Variants in PTPN4 observed in about 807,000 individuals in gnomAD.
PTPN4 encodes the protein tyrosine-protein phosphatase non-receptor type 4.
In PTPN4, 49 loss-of-function variants were observed where a neutral mutation model predicts 135.5. The observed-to-expected ratio is 0.36, with a 90% CI of 0.29 to 0.46. PTPN4 has a LOEUF of 0.46. PTPN4 is among the 20% of genes least tolerant of loss of function. PTPN4 has a pLI of 1.00. For synonymous variants in PTPN4, 333 were observed against 369.9 expected, an observed-to-expected ratio of 0.90 and a Z score of 1.14; for missense variants, 860 against 1,101.0, an observed-to-expected ratio of 0.78 and a Z score of 3.10.
At chr2:119,909,644 G>A (rs1377582750) in intron 10 of PTPN4, among the ~76,000 whole-genome samples, 1 of 152,132 alleles carries the variant, frequency 6.6e-6, no homozygotes, top group East Asian at 1.9e-4. Flanking sequence ...TGGCCATTGA[G>A]GATGATTTCT....
At chr2:119,851,037 A>G (rs767989908) in intron 2 of PTPN4, among the ~76,000 whole-genome samples, 2 of 152,194 alleles carry the variant, frequency 1.3e-5, no homozygotes, top group East Asian at 1.9e-4. Flanking sequence ...TATCAGGCCA[A>G]TGCTGGTTTC....
At chr2:119,839,955 C>T (rs551165905) in intron 2 of PTPN4, among the ~76,000 whole-genome samples, 13 of 152,138 alleles carry the variant, frequency 8.5e-5, no homozygotes, top group African/African-American at 3.1e-4. Context: ...AACAGGAAGG[C>T]CATTTAATTC....
At chr2:119,826,396 C>T (rs1176896526) in intron 2 of PTPN4, among the ~76,000 whole-genome samples, 2 of 152,160 alleles carry the variant, frequency 1.3e-5, no homozygotes, top group Non-Finnish European at 2.9e-5. Context: ...AGCTTTTGAG[C>T]CCTTACCGGA....
chr2:119,919,210 G>A (rs977384936), intron 11 of PTPN4, among the ~76,000 whole-genome samples: 1 of 152,172 alleles, frequency 6.6e-6, no homozygotes, highest in South Asian at 2.1e-4. Flanking sequence ...GTTGCTATAT[G>A]TGGTTTACTT....
chr2:119,909,792 A>G (rs1052626583), intron 10 of PTPN4, among the ~76,000 whole-genome samples: 3 of 152,126 alleles, frequency 2.0e-5, no homozygotes, highest in Non-Finnish European at 2.9e-5. Context: ...ATTGATTCCA[A>G]CCCTCATAGA....
chr2:119,894,676 ATG>A (rs1386250924), intron 9 of PTPN4, among the ~76,000 whole-genome samples: 1 of 152,212 alleles, frequency 6.6e-6, no homozygotes, highest in African/African-American at 2.4e-5. Flanking sequence ...ATTTCAACAT[ATG>A]TTACAGAAAA....
At chr2:119,760,502 A>G in intron 1 of PTPN4, 118 bp downstream of exon 1, 1 of 386,868 alleles carries the variant, frequency 2.6e-6, no homozygotes, top group Non-Finnish European at 4.6e-6. Context: ...AGGTACGAGG[A>G]TGATTTGAAA....
At chr2:119,955,628 C>CTA (rs1197159582) in intron 20 of PTPN4, among the ~76,000 whole-genome samples, 1 of 152,038 alleles carries the variant, frequency 6.6e-6, no homozygotes, top group East Asian at 1.9e-4. Context: ...TGAAGATAGG[C>CTA]TATTATATAC....
chr2:119,937,344 A>G (rs1574412677), intron 15 of PTPN4, among the ~76,000 whole-genome samples: 1 of 152,196 alleles, frequency 6.6e-6, no homozygotes, highest in African/African-American at 2.4e-5. Context: ...GGTTTTTCAC[A>G]TATACCTTTT....
chr2:119,936,992 C>T (rs1163579014), intron 15 of PTPN4, among the ~76,000 whole-genome samples: 1 of 152,162 alleles, frequency 6.6e-6, no homozygotes, highest in Non-Finnish European at 1.5e-5. Flanking sequence ...CTTACAGTCA[C>T]TTTTACATAA....
intron 19 of PTPN4, 64 bp downstream of exon 19, chr2:119,952,193 G>T: frequency 7.1e-7 from 1 of 1,413,840 alleles, no homozygotes; most frequent in Non-Finnish European, 9.6e-7. Flanking sequence ...ACTGAGCACA[G>T]CAGCCAGATT....
intron 2 of PTPN4, among the ~76,000 whole-genome samples, chr2:119,840,787 G>T (rs1490634869): frequency 6.6e-6 from 1 of 152,184 alleles, no homozygotes; most frequent in South Asian, 2.1e-4. Flanking sequence ...CATTCTGACT[G>T]GTGTGAGATG....
intron 12 of PTPN4, among the ~76,000 whole-genome samples, chr2:119,921,398 G>A (rs1446245782): frequency 6.6e-6 from 1 of 152,122 alleles, no homozygotes; most frequent in Non-Finnish European, 1.5e-5. Flanking sequence ...GATTTAAATT[G>A]TAAACCTAAA....
chr2:119,881,529 T>C (rs1678077855), intron 5 of PTPN4, among the ~76,000 whole-genome samples: 1 of 152,206 alleles, frequency 6.6e-6, no homozygotes, highest in South Asian at 2.1e-4. Context: ...CTATTTGAAA[T>C]CTTGAGGGCT....
chr2:119,836,566 C>T (rs956835236), intron 2 of PTPN4, among the ~76,000 whole-genome samples: 3 of 152,242 alleles, frequency 2.0e-5, no homozygotes, highest in Admixed American at 6.5e-5. Context: ...CAGGTGGGAG[C>T]CCTGCCCCCT....
intron 26 of PTPN4, 65 bp from the exon 27 acceptor site, chr2:119,976,919 G>C (rs1217559664): frequency 1.3e-6 from 2 of 1,546,650 alleles, no homozygotes; most frequent in Non-Finnish European, 1.7e-6. Flanking sequence ...TGTCTTTTTT[G>C]GGGGGAGAGG....
At chr2:119,936,151 A>C (rs1193985029) in intron 15 of PTPN4, among the ~76,000 whole-genome samples, 1 of 152,006 alleles carries the variant, frequency 6.6e-6, no homozygotes, top group Non-Finnish European at 1.5e-5. Context: ...TACAGGCGCC[A>C]GCCACCACTC....
chr2:119,837,593 G>T (rs549928758), intron 2 of PTPN4, among the ~76,000 whole-genome samples: 24 of 152,370 alleles, frequency 1.6e-4, no homozygotes, highest in African/African-American at 5.8e-4. Flanking sequence ...ACTGAGAACT[G>T]TAACACAAAC....
At chr2:119,971,217 A>G (rs566358758) in intron 26 of PTPN4, among the ~76,000 whole-genome samples, 47 of 152,274 alleles carry the variant, frequency 3.1e-4, no homozygotes, top group African/African-American at 1.1e-3. Flanking sequence ...AGGTCTTCAC[A>G]TGGCCGGCGG....
Sources: gnomAD v4.1 joint callset for allele counts (sites outside exome capture counted in the v4.1 genomes callset) on GRCh38, gnomAD v4.1.1 for gene constraint, MANE v1.5 for transcripts, NCBI Gene and HGNC (gene_info 2026-07-23, HGNC 2026-07-21) for gene names.